TAFA1: variants seen among roughly 807,000 people sequenced by gnomAD.
TAFA1 encodes the protein chemokine-like protein TAFA-1.
TAFA1 carries 4 observed loss-of-function variants against 18.5 expected under a neutral mutation model. The observed-to-expected ratio is 0.22, with a 90% CI of 0.11 to 0.49. The LOEUF (loss-of-function observed/expected upper bound fraction) is 0.49, where lower values mean the gene tolerates loss of function less well. Among genes scored for constraint, TAFA1 ranks in the 20% least tolerant of loss-of-function variants. The pLI is 0.98. For missense variants in TAFA1, 147 were observed against 169.0 expected (o/e 0.87, Z 0.72); for synonymous variants, 56 against 55.2 (o/e 1.01, Z -0.06).
At chr3:68,078,224 GT>G (rs1371203771) in intron 2 of TAFA1, among the ~76,000 whole-genome samples, 26 of 152,116 alleles carry the variant, frequency 1.7e-4, no homozygotes, top group African/African-American at 6.3e-4. Context: ...AGACAATGGG[GT>G]TTTCTAGATA....
intron 2 of TAFA1, among the ~76,000 whole-genome samples, chr3:68,365,207 T>A (rs184700721): frequency 6.6e-6 from 1 of 152,316 alleles, no homozygotes; most frequent in African/African-American, 2.4e-5. Context: ...ATGGGAAAAC[T>A]GAGCTTCTTA....
At chr3:68,122,189 C>T (rs868204228) in intron 2 of TAFA1, among the ~76,000 whole-genome samples, 5 of 150,508 alleles carry the variant, frequency 3.3e-5, no homozygotes, top group Middle Eastern at 6.8e-3. Flanking sequence ...TATGACTGTT[C>T]TTTATATATT....
chr3:68,413,038 G>C (rs1014516237), intron 2 of TAFA1, among the ~76,000 whole-genome samples: 5 of 151,964 alleles, frequency 3.3e-5, no homozygotes, highest in Non-Finnish European at 7.4e-5. Flanking sequence ...TCCAGCACCT[G>C]TTGTTTCCTG....
chr3:68,480,839 G>A (rs1444950232), intron 3 of TAFA1, among the ~76,000 whole-genome samples: 1 of 152,178 alleles, frequency 6.6e-6, no homozygotes, highest in Non-Finnish European at 1.5e-5. Context: ...TATGTTGTGG[G>A]AGGGACCCAG....
intron 4 of TAFA1, among the ~76,000 whole-genome samples, chr3:68,540,081 A>G (rs756505785): frequency 6.6e-6 from 1 of 152,052 alleles, no homozygotes; most frequent in African/African-American, 2.4e-5. Flanking sequence ...TCACTTTTTC[A>G]GTGAATAAAA....
At chr3:68,244,002 C>A (rs558272504) in intron 2 of TAFA1, among the ~76,000 whole-genome samples, 2 of 152,144 alleles carry the variant, frequency 1.3e-5, no homozygotes, top group Admixed American at 1.3e-4. Context: ...AGTGAAGTCT[C>A]ATTGTGGTTT....
chr3:68,331,856 C>T lies in TAFA1; in HGVS notation c.119-85424C>T, dbSNP rs142865855. ...TGGGTAAAGGATAGTCTTTTCTTTT[C>T]TTTTTTTTTTTTTTTTTTTTTTTTT... On this transcript the variant is annotated intron_variant, in intron 2 of 4. Coordinates refer to ENST00000478136, the MANE Select transcript of TAFA1 (RefSeq NM_213609.4). Among the ~76,000 whole-genome samples, 173 of 76,188 alleles carry T rather than the reference C, an allele frequency of 2.3e-3. 4 individuals are homozygous for T. The highest frequency in any genetic ancestry group is 7.4e-3 in the African/African-American group (139 of 18,692). 50.0% of individuals were successfully genotyped at this position (76,188 alleles called of 152,430 possible). A position where few individuals can be genotyped will look rare whatever the true frequency, so the allele number is the denominator to read the frequency against.
chr3:68,436,479 G>A (rs2071270547), intron 3 of TAFA1, among the ~76,000 whole-genome samples: 1 of 152,090 alleles, frequency 6.6e-6, no homozygotes, highest in Non-Finnish European at 1.5e-5. Context: ...ACACCAATTA[G>A]TTTGGCTGAG....
chr3:68,475,583 A>C (rs537282611), intron 3 of TAFA1, among the ~76,000 whole-genome samples: 476 of 152,264 alleles, frequency 3.1e-3, no homozygotes, highest in Non-Finnish European at 6.1e-3. Context: ...GGTTGGTTCC[A>C]AGTCTTTGCT....
intron 2 of TAFA1, among the ~76,000 whole-genome samples, chr3:68,265,847 A>G (rs571056627): frequency 1.3e-5 from 2 of 152,302 alleles, no homozygotes; most frequent in South Asian, 2.1e-4. Context: ...CCTTAGTGGT[A>G]TAGGACTCTT....
In TAFA1 at chr3:68,314,521, T is replaced by G. The variant is rs150001009; in HGVS notation, c.119-102759T>G. The stretch of plus-strand genomic sequence containing the variant: ...GATAAGATAAAAATGATTGACAAAT[T>G]TTTCTTTTGATGGGATTGCTTTTTG... On this transcript the variant is annotated intron_variant, in intron 2 of 4. Coordinates refer to ENST00000478136, the MANE Select transcript of TAFA1 (RefSeq NM_213609.4). 4.8e-3 allele frequency among the ~76,000 whole-genome samples: 731 copies of G among 152,282 alleles called. 8 individuals carry two copies. Among genetic ancestry groups the G allele is most frequent in the African/African-American group, 0.016 (649 of 41,558 alleles).
intron 2 of TAFA1, among the ~76,000 whole-genome samples, chr3:68,398,757 A>G (rs2070432445): frequency 6.6e-6 from 1 of 152,206 alleles, no homozygotes; most frequent in African/African-American, 2.4e-5. Context: ...TTCAGTAACT[A>G]TATTCTGCTC....
intron 2 of TAFA1, among the ~76,000 whole-genome samples, chr3:68,127,892 T>A (rs1305499544): frequency 2.0e-5 from 3 of 150,758 alleles, no homozygotes; most frequent in Non-Finnish European, 4.4e-5. Context: ...GTGATGCTGA[T>A]GGCAGTGGTG....
intron 2 of TAFA1, among the ~76,000 whole-genome samples, chr3:68,243,394 C>T (rs1025690465): frequency 1.3e-5 from 2 of 151,828 alleles, no homozygotes; most frequent in Non-Finnish European, 2.9e-5. Flanking sequence ...TAACCATCCT[C>T]CAGAATTACG....
intron 2 of TAFA1, among the ~76,000 whole-genome samples, chr3:68,325,136 G>T (rs2068756525): frequency 6.6e-6 from 1 of 152,180 alleles, no homozygotes; most frequent in Non-Finnish European, 1.5e-5. Context: ...GGAAATCATT[G>T]CAATAGAAGA....
intron 2 of TAFA1, among the ~76,000 whole-genome samples, chr3:68,126,933 GA>G (rs1357796783): frequency 6.6e-6 from 1 of 152,192 alleles, no homozygotes; most frequent in African/African-American, 2.4e-5. Context: ...ATCTTTTCTA[GA>G]GGAAAAGACT....
intron 2 of TAFA1, among the ~76,000 whole-genome samples, chr3:68,024,396 A>AT (rs1704767353): frequency 6.6e-6 from 1 of 152,086 alleles, no homozygotes; most frequent in Non-Finnish European, 1.5e-5. Flanking sequence ...GTATGGCAAT[A>AT]TTTTTCCTCT....
rs544729322 is a variant in TAFA1 at position 68,428,578 on chromosome 3, T to G, written c.259+11158T>G. Among the ~76,000 whole-genome samples, 8 of 151,972 alleles carry G rather than the reference T, an allele frequency of 5.3e-5. No homozygotes were observed. In the South Asian group the frequency reaches 1.7e-3, roughly 32 times the overall value. ...TCTGTAAGAACAGATGGGTTTGAGATCACCAACTGACCTAAGACATTGGTG... is the reference window on the plus strand; with the variant it reads ...TCTGTAAGAACAGATGGGTTTGAGAGCACCAACTGACCTAAGACATTGGTG... On this transcript the variant is annotated intron_variant, in intron 3 of 4. Coordinates refer to ENST00000478136, the MANE Select transcript of TAFA1 (RefSeq NM_213609.4).
chr3:68,076,688 A>T (rs1299415757), intron 2 of TAFA1, among the ~76,000 whole-genome samples: 4 of 152,390 alleles, frequency 2.6e-5, no homozygotes, highest in East Asian at 1.9e-4. Context: ...GTGCCACATT[A>T]TCTTAATCCA....
Sources: gnomAD v4.1 joint callset for allele counts (sites outside exome capture counted in the v4.1 genomes callset) on GRCh38, gnomAD v4.1.1 for gene constraint, MANE v1.5 for transcripts, NCBI Gene and HGNC (gene_info 2026-07-23, HGNC 2026-07-21) for gene names.